SLC22A5: variants seen among roughly 807,000 people sequenced by gnomAD.
The protein encoded by SLC22A5 is solute carrier family 22 member 5.
In SLC22A5, 44 loss-of-function variants were observed where a neutral mutation model predicts 56.7. The ratio of observed to expected loss-of-function variants is 0.78; its 90% confidence interval spans 0.61 to 1.00. The LOEUF is 1.00. Ranked by LOEUF, SLC22A5 falls within the 50% of genes least tolerant of loss-of-function variation. The probability of loss-of-function intolerance (pLI) is 0.00; values close to 1 mark genes in which losing one functional copy is unlikely to be tolerated. For synonymous variants in SLC22A5, 278 were observed against 292.1 expected, an observed-to-expected ratio of 0.95 and a Z score of 0.49; for missense variants, 675 against 723.0, an observed-to-expected ratio of 0.93 and a Z score of 0.76.
chr5:132,391,393 A>G (rs536545627), intron 7 of SLC22A5, among the ~76,000 whole-genome samples: 1 of 152,344 alleles, frequency 6.6e-6, no homozygotes, highest in East Asian at 1.9e-4. Flanking sequence ...AATGCTTAAT[A>G]TAGTTCAGAC....
intron 6 of SLC22A5, chr5:132,390,047 C>T (rs1483077001): frequency 6.0e-6 from 1 of 166,472 alleles, no homozygotes; most frequent in Non-Finnish European, 1.3e-5. Flanking sequence ...GGGTCATCAA[C>T]AGAGAGAATG....
rs1752556458 is a variant in SLC22A5, at chr5:132,387,056, T to C, written c.856T>C (p.Ser286Pro). 1 of 1,614,106 alleles carries C rather than the reference T, an allele frequency of 6.2e-7. No homozygotes were observed. The highest frequency in any genetic ancestry group is 8.5e-7 in the Non-Finnish European group (1 of 1,179,952). Residue 286 changes from serine (S) to proline (P), a missense_variant, in exon 5 of 10, where the codon TCT becomes CCT. Coordinates refer to ENST00000245407, the MANE Select transcript of SLC22A5 (RefSeq NM_003060.4). The stretch of plus-strand genomic sequence containing the variant: ...CCCTGAGTCCCCCCGATGGCTCATC[T>C]CTCAGGGACGATTTGAAGAGGCAGA... ...FIPESPRWLI[S>P]QGRFEEAEVI...
chr5:132,383,989 TG>T, intron 2 of SLC22A5, 157 bp from the exon 3 acceptor site: 1 of 734,840 alleles, frequency 1.4e-6, no homozygotes, highest in Non-Finnish European at 2.4e-6. Context: ...AGAAATAGCA[TG>T]GGCACTGTGA....
At chr5:132,386,870 G>A (rs976052876) in intron 4 of SLC22A5, among the ~76,000 whole-genome samples, 155 bp from the exon 5 acceptor site, 6 of 152,192 alleles carry the variant, frequency 3.9e-5, no homozygotes, top group South Asian at 2.1e-4. Flanking sequence ...TTATTGCTGC[G>A]TGTGGATCAG....
intron 2 of SLC22A5, chr5:132,383,030 A>C (rs928082595): frequency 6.6e-6 from 1 of 152,234 alleles, no homozygotes; most frequent in Non-Finnish European, 1.5e-5. Flanking sequence ...GCACGGATAC[A>C]GAAAACCACA....
Position 132,390,921 on chromosome 5 carries a change from T to A in SLC22A5, c.1267+17T>A. ...TACCCCCAGGTAGGGACCATGTGCA[T>A]CTATGGTTTGGGGTCTTCACTGAGT... On this transcript the variant is annotated intron_variant, in intron 7 of 9. Coordinates refer to ENST00000245407, the MANE Select transcript of SLC22A5 (RefSeq NM_003060.4). The A allele has an allele frequency of 6.2e-7, 1 of 1,601,430 alleles. No individual in the cohort carries two copies. The highest frequency in any genetic ancestry group is 2.2e-5 in the East Asian group (1 of 44,832).
intron 1 of SLC22A5, among the ~76,000 whole-genome samples, chr5:132,370,951 GTCT>G (rs1561561726): frequency 9.9e-6 from 1 of 101,126 alleles, no homozygotes; most frequent in Non-Finnish European, 2.2e-5. Context: ...TCAGTTGTCA[GTCT>G]TTTTTTTTTT....
At chr5:132,393,018 C>T (rs562900322) in intron 8 of SLC22A5, among the ~76,000 whole-genome samples, 14 of 152,240 alleles carry the variant, frequency 9.2e-5, no homozygotes, top group Non-Finnish European at 1.9e-4. Flanking sequence ...GTCTGATGAA[C>T]GGAAAATTAT....
chr5:132,390,158 G>A (rs1031014033), intron 6 of SLC22A5: 22 of 196,280 alleles, frequency 1.1e-4, no homozygotes, highest in Non-Finnish European at 2.0e-4. Context: ...CAAGTACCGC[G>A]GGGCTGGTGT....
chr5:132,377,611 C>A, intron 1 of SLC22A5: 1 of 156,042 alleles, frequency 6.4e-6, no homozygotes, highest in East Asian at 1.9e-4. Flanking sequence ...TAGATGGAAC[C>A]ACACATTGGA....
rs1752825902 is a variant in SLC22A5, at chr5:132,394,934, C to G, written c.*662C>G. ...TAGACTTGTTTACATCTGATCAAAG[C>G]ACTGGGCTTGTCCAGGCTCATAATA... On this transcript the variant is annotated 3_prime_UTR_variant, in exon 10 of 10. Transcript: ENST00000245407. The G allele has an allele frequency of 2.6e-5, 4 of 152,940 alleles. No individual in the cohort carries two copies. Among genetic ancestry groups the G allele is most frequent in the Admixed American group, 2.6e-4 (4 of 15,328 alleles). 9.5% of individuals were successfully genotyped at this position (152,940 alleles called of 1,614,324 possible). A position where few individuals can be genotyped will look rare whatever the true frequency, so the allele number is the denominator to read the frequency against.
intron 8 of SLC22A5, 26 bp downstream of exon 8, chr5:132,392,641 C>T (rs764496566): frequency 8.1e-6 from 13 of 1,602,254 alleles, no homozygotes; most frequent in Non-Finnish European, 1.1e-5. Context: ...CAAGGGCACA[C>T]TAGAGCAACG....
chr5:132,393,665 C>G lies in SLC22A5; in HGVS notation c.1451-11C>G, dbSNP rs1276969462. 2.5e-6 allele frequency: 4 copies of G among 1,614,008 alleles called. No individual in the cohort carries two copies. The highest frequency in any genetic ancestry group is 3.4e-6 in the Non-Finnish European group (4 of 1,179,980). ...AGCCCTGGGCCTGAGGCTCCGTCTG[C>G]TTTGCCATAGGTGCCTACGACCGCT... On this transcript the variant is annotated splice_polypyrimidine_tract_variant and intron_variant, in intron 8 of 9. Coordinates refer to ENST00000245407, the MANE Select transcript of SLC22A5 (RefSeq NM_003060.4).
intron 1 of SLC22A5, among the ~76,000 whole-genome samples, chr5:132,375,650 T>C (rs572887733): frequency 1.3e-5 from 2 of 152,340 alleles, no homozygotes; most frequent in East Asian, 1.9e-4. Flanking sequence ...AAGGTGTAAA[T>C]GACATAAAAA....
At chr5:132,380,232 A>C (rs1349139446) in intron 2 of SLC22A5, 1 of 152,444 alleles carries the variant, frequency 6.6e-6, no homozygotes, top group African/African-American at 2.4e-5. Flanking sequence ...GCCGGGGCTC[A>C]TGAAAAGGCA....
At chr5:132,384,751 C>T (rs538611671) in intron 3 of SLC22A5, among the ~76,000 whole-genome samples, 44 of 152,274 alleles carry the variant, frequency 2.9e-4, no homozygotes, top group African/African-American at 9.6e-4. Context: ...GTGATATCTA[C>T]GGACAAGAAT....
chr5:132,387,066 G>C lies in SLC22A5; in HGVS notation c.866G>C (p.Arg289Pro). 1 of 1,614,144 alleles carries C rather than the reference G, an allele frequency of 6.2e-7. No homozygotes were observed. The highest frequency in any genetic ancestry group is 8.5e-7 in the Non-Finnish European group (1 of 1,179,984). Residue 289 changes from arginine (R) to proline (P), a missense_variant, in exon 5 of 10, where the codon CGA becomes CCA. Coordinates refer to ENST00000245407, the MANE Select transcript of SLC22A5 (RefSeq NM_003060.4). ...CCCCGATGGCTCATCTCTCAGGGAC[G>C]ATTTGAAGAGGCAGAGGTGATCATC... ...ESPRWLISQG[R>P]FEEAEVIIRK...
chr5:132,392,348 G>T, intron 7 of SLC22A5, 85 bp from the exon 8 acceptor site: 2 of 1,296,710 alleles, frequency 1.5e-6, no homozygotes, highest in Non-Finnish European at 2.2e-6. Flanking sequence ...AAAAAATTTG[G>T]GAAGAAAGTA....
intron 2 of SLC22A5, chr5:132,382,875 T>C (rs923931762): frequency 9.9e-5 from 15 of 152,216 alleles, no homozygotes; most frequent in African/African-American, 3.4e-4. Flanking sequence ...TCAATAAACA[T>C]TGAATGAAAG....
Sources: allele counts gnomAD v4.1 joint callset (sites outside exome capture counted in the v4.1 genomes callset), GRCh38; gene constraint gnomAD v4.1.1; transcripts MANE v1.5; gene names NCBI Gene and HGNC (gene_info 2026-07-23, HGNC 2026-07-21).